Variants in EYS observed in about 807,000 individuals in gnomAD.
EYS encodes the protein EGF-like photoreceptor maintenance factor.
A neutral mutation model predicts 282.1 loss-of-function variants in EYS; 250 were observed. The ratio of observed to expected loss-of-function variants is 0.89; its 90% CI spans 0.80 to 0.98. The LOEUF is 0.98. Ranked by LOEUF, EYS falls within the 50% of genes least tolerant of loss-of-function variation. EYS has a pLI of 0.00. For synonymous variants in EYS, 1,355 were observed against 1,282.9 expected (o/e 1.06, Z -1.20); for missense variants, 4,016 against 3,709.0 (o/e 1.08, Z -2.15).
chr6:64,310,589 G>GTAGAGGGTGGAAGA (rs1384373067), intron 29 of EYS, among the ~76,000 whole-genome samples: 1 of 152,160 alleles, frequency 6.6e-6, no homozygotes, highest in African/African-American at 2.4e-5. Context: ...CTATTGGAGG[G>GTAGAGGGTGGAAGA]TAGAGGGTGG....
At chr6:63,765,945 A>G (rs1769778520) in intron 40 of EYS, among the ~76,000 whole-genome samples, 1 of 152,044 alleles carries the variant, frequency 6.6e-6, no homozygotes, top group African/African-American at 2.4e-5. Flanking sequence ...AAGTGACATG[A>G]CAGGTGTATA....
At chr6:63,922,443 A>G (rs535561820) in intron 35 of EYS, among the ~76,000 whole-genome samples, 2 of 152,188 alleles carry the variant, frequency 1.3e-5, no homozygotes, top group Non-Finnish European at 2.9e-5. Flanking sequence ...GGTGCCTGTA[A>G]TCCCAACTAC....
intron 26 of EYS, among the ~76,000 whole-genome samples, chr6:64,470,138 G>A (rs1243110106): frequency 1.3e-5 from 2 of 151,970 alleles, no homozygotes; most frequent in South Asian, 2.1e-4. Context: ...GGCCACTACC[G>A]GTCTCTGCGT....
rs368550126 is a variant in EYS at position 64,927,652 on chromosome 6, CTA to C, written c.2382-14911_2382-14910del. On this transcript the variant is annotated intron_variant, in intron 15 of 42. Transcript: ENST00000503581. ...GTTCTGGTGTAAGAAGTCCTAAATT[CTA>C]TATCTCTTCTGCTAATAACATGTCA... 2.9e-3 allele frequency among the ~76,000 whole-genome samples: 435 copies of C among 152,090 alleles called. 3 individuals are homozygous for C. The highest frequency in any genetic ancestry group is 0.01 in the African/African-American group (417 of 41,522).
intron 31 of EYS, among the ~76,000 whole-genome samples, chr6:64,213,689 C>T (rs1765849861): frequency 1.3e-5 from 2 of 151,912 alleles, no homozygotes; most frequent in African/African-American, 4.8e-5. Context: ...CATGTTAATG[C>T]CTTAAAATAT....
intron 29 of EYS, among the ~76,000 whole-genome samples, chr6:64,341,992 T>C (rs1256462840): frequency 6.6e-6 from 1 of 151,624 alleles, no homozygotes; most frequent in Admixed American, 6.6e-5. Context: ...AAAATATGGT[T>C]ACTTATAAGA....
intron 40 of EYS, among the ~76,000 whole-genome samples, chr6:63,763,818 C>T (rs1028765875): frequency 2.0e-5 from 3 of 148,504 alleles, no homozygotes; most frequent in African/African-American, 7.4e-5. Flanking sequence ...ATGTCCCATG[C>T]AATATATGAA....
chr6:65,676,438 C>T (rs1168976802), intron 1 of EYS, among the ~76,000 whole-genome samples: 1 of 151,686 alleles, frequency 6.6e-6, no homozygotes, highest in Admixed American at 6.6e-5. Context: ...AATTATACGT[C>T]TACAAATTGA....
At chr6:64,967,614 G>A (rs900601664) in intron 14 of EYS, among the ~76,000 whole-genome samples, 14 of 151,990 alleles carry the variant, frequency 9.2e-5, no homozygotes, top group Admixed American at 6.6e-4. Context: ...CACAGTGCCC[G>A]GCCTCCATTG....
At chr6:65,321,347 G>GA (rs1389410668) in intron 11 of EYS, among the ~76,000 whole-genome samples, 3 of 151,714 alleles carry the variant, frequency 2.0e-5, no homozygotes, top group Non-Finnish European at 4.4e-5. Context: ...CAGTTGGAGG[G>GA]AAAAAATGTA....
chr6:64,429,612 T>C (rs111730363), intron 28 of EYS, among the ~76,000 whole-genome samples: 1,745 of 152,224 alleles, frequency 0.011, 34 homozygotes, highest in African/African-American at 0.039. Context: ...GCCTGGGTGA[T>C]GGAGCAGGAT....
intron 22 of EYS, 68 bp from the exon 23 acceptor site, chr6:64,626,313 G>C (rs1190243910): frequency 2.0e-6 from 3 of 1,474,510 alleles, no homozygotes; most frequent in African/African-American, 1.5e-5. Context: ...TTTTCATCTT[G>C]GGATTCCATC....
chr6:65,339,087 C>T (rs762317917), intron 10 of EYS, among the ~76,000 whole-genome samples: 11 of 150,942 alleles, frequency 7.3e-5, no homozygotes, highest in Non-Finnish European at 1.5e-4. Context: ...CCATTTTGAC[C>T]CTTGTTATTA....
At chr6:64,451,174 G>A (rs532035357) in intron 26 of EYS, among the ~76,000 whole-genome samples, 1 of 152,150 alleles carries the variant, frequency 6.6e-6, no homozygotes, top group South Asian at 2.1e-4. Context: ...TGACAAAGGG[G>A]ATATCACCAC....
chr6:65,482,065 A>G (rs1026366726), intron 5 of EYS, among the ~76,000 whole-genome samples: 1 of 151,314 alleles, frequency 6.6e-6, no homozygotes, highest in African/African-American at 2.4e-5. Flanking sequence ...TTGCTTTTAA[A>G]TGTTGTGTTA....
chr6:64,359,919 A>T (rs1174634709), intron 29 of EYS, among the ~76,000 whole-genome samples: 2 of 151,580 alleles, frequency 1.3e-5, no homozygotes, highest in Non-Finnish European at 3.0e-5. Context: ...TTTTAATACC[A>T]TGTAAAGCAA....
intron 35 of EYS, among the ~76,000 whole-genome samples, chr6:63,981,323 AT>A (rs1205043525): frequency 9.9e-5 from 15 of 151,724 alleles, no homozygotes; most frequent in Non-Finnish European, 1.9e-4. Flanking sequence ...GTTTTCTTGT[AT>A]TAAACTTCTG....
chr6:65,463,946 A>C (rs559245069), intron 5 of EYS, among the ~76,000 whole-genome samples: 2 of 152,262 alleles, frequency 1.3e-5, no homozygotes, highest in South Asian at 4.1e-4. Context: ...ATTTTAATAT[A>C]TTGTGATACT....
chr6:65,072,603 A>G (rs1011442658), intron 12 of EYS, among the ~76,000 whole-genome samples: 3 of 151,930 alleles, frequency 2.0e-5, no homozygotes, highest in African/African-American at 4.8e-5. Flanking sequence ...GTGAGATCCA[A>G]TCTGCAATGT....
Sources: allele counts gnomAD v4.1 joint callset (sites outside exome capture counted in the v4.1 genomes callset), GRCh38; gene constraint gnomAD v4.1.1; transcripts MANE v1.5; gene names NCBI Gene and HGNC (gene_info 2026-07-23, HGNC 2026-07-21).